POGLUT3: variants seen among roughly 807,000 people sequenced by gnomAD.
POGLUT3 encodes the protein protein O-glucosyltransferase 3.
A neutral mutation model predicts 54.3 loss-of-function variants in POGLUT3; 48 were observed. The observed-to-expected ratio is 0.88, with a 90% confidence interval of 0.70 to 1.12. The LOEUF is 1.12. POGLUT3 is among the 50% of genes most tolerant of loss of function. The pLI is 0.00. For synonymous variants in POGLUT3, 218 were observed against 237.4 expected (o/e 0.92, Z 0.75); for missense variants, 629 against 618.7 (o/e 1.02, Z -0.18).
Position 108,474,260 on chromosome 11 carries a change from A to C in POGLUT3, c.*567T>G, listed in dbSNP as rs922354875. 2 of 152,230 alleles carry C rather than the reference A, an allele frequency of 1.3e-5. No individual in the cohort carries two copies. Among genetic ancestry groups the C allele is most frequent in the Non-Finnish European group, 2.9e-5 (2 of 68,046 alleles). The allele number at this position is 152,230 out of a possible 1,614,324, so 9.4% of individuals were successfully genotyped here. On this transcript the variant is annotated 3_prime_UTR_variant, in exon 8 of 8. Transcript: ENST00000323468. Reference sequence around the variant, plus strand: ...AAGTTTTCTTTTTAGAGAAACTATGATGCTGATAATAGCAGTTTTTACGCA... The same window carrying C: ...AAGTTTTCTTTTTAGAGAAACTATGCTGCTGATAATAGCAGTTTTTACGCA...
intron 2 of POGLUT3, among the ~76,000 whole-genome samples, chr11:108,488,643 G>T (rs922683555): frequency 5.9e-5 from 9 of 152,204 alleles, no homozygotes; most frequent in African/African-American, 1.7e-4. Context: ...CATATGATCA[G>T]TGCATTTTGG....
rs775645509 is a variant in POGLUT3 at position 108,482,168 on chromosome 11, G to C, written c.739C>G (p.His247Asp). The C allele has an allele frequency of 2.5e-6, 4 of 1,614,102 alleles. No individual in the cohort carries two copies. The highest frequency in any genetic ancestry group is 3.4e-6 in the Non-Finnish European group (4 of 1,179,978). Residue 247 changes from histidine (H) to aspartate (D), a missense_variant, in exon 4 of 8, where the codon CAT (histidine) becomes GAT (aspartate). His to Asp is a moderately conservative substitution (Grantham distance 81). Transcript: ENST00000323468. ...CTAGGGGTTCCATTGACTTTTCGAT[G>C]CTCCAAGGGCCAATCTCCAAGATTA... ...YVNLGDWPLE[H>D]RKVNGTPSPI... is the part of the protein sequence containing the mutation.
rs1452684203 is a variant in POGLUT3, at chr11:108,472,668, A to G, written c.*2159T>C. 1 of 152,208 alleles carries G rather than the reference A, an allele frequency of 6.6e-6. No individual in the cohort carries two copies. The allele number at this position is 152,208 out of a possible 1,614,324, so 9.4% of individuals were successfully genotyped here. ...TGGCAGAGGCAATATAAATTTTTAAAAATGTAAGATGTTTAAAATGCCATT... is the reference window on the plus strand; with the variant it reads ...TGGCAGAGGCAATATAAATTTTTAAGAATGTAAGATGTTTAAAATGCCATT... On this transcript the variant is annotated 3_prime_UTR_variant, in exon 8 of 8. Coordinates refer to ENST00000323468, the MANE Select transcript of POGLUT3 (RefSeq NM_153705.5).
chr11:108,474,900 A>C lies in POGLUT3; in HGVS notation c.1451T>G (p.Leu484Arg). The C allele has an allele frequency of 6.2e-7, 1 of 1,614,144 alleles. No individual in the cohort carries two copies. The highest frequency in any genetic ancestry group is 8.5e-7 in the Non-Finnish European group (1 of 1,180,008). The stretch of plus-strand genomic sequence containing the variant: ...TGTGCTATCTTCTGGCTGAGGAACA[A>C]GTTCCATTCCATCACGTACTTCGGG... ...SKPEVRDGMELVPQPEDSTAI... is the reference protein window; with the variant it reads ...SKPEVRDGMERVPQPEDSTAI... Residue 484 changes from leucine to arginine, a missense_variant, in exon 8 of 8, where the codon CTT (leucine) becomes CGT (arginine). Transcript: ENST00000323468.
At chr11:108,474,987 G>C (rs1565744315) in intron 7 of POGLUT3, 35 bp from the exon 8 acceptor site, 3 of 1,609,352 alleles carry the variant, frequency 1.9e-6, no homozygotes, top group South Asian at 1.1e-5. Flanking sequence ...TGAAAGGTTA[G>C]TTCACACTGC....
intron 1 of POGLUT3, chr11:108,491,498 G>T: frequency 2.5e-6 from 1 of 398,996 alleles, no homozygotes; most frequent in Admixed American, 4.1e-5. Flanking sequence ...GAGTAGCTGG[G>T]ACTATAGGAG....
intron 1 of POGLUT3, chr11:108,491,567 T>G: frequency 4.3e-6 from 1 of 231,312 alleles, no homozygotes. Context: ...GGGGGCGGGA[T>G]GGGTTGGAGG....
At chr11:108,487,623 T>C (rs1431124218) in intron 2 of POGLUT3, among the ~76,000 whole-genome samples, 1 of 152,136 alleles carries the variant, frequency 6.6e-6, no homozygotes, top group Non-Finnish European at 1.5e-5. Flanking sequence ...GGACAGAGTC[T>C]CACACTGGCT....
At chr11:108,493,688 C>G (rs1474169574) in intron 1 of POGLUT3, among the ~76,000 whole-genome samples, 2 of 151,530 alleles carry the variant, frequency 1.3e-5, no homozygotes, top group Non-Finnish European at 2.9e-5. Context: ...CCTGTAATCC[C>G]AGCTACTCAG....
At chr11:108,496,637 C>CT (rs1480541108) in intron 1 of POGLUT3, among the ~76,000 whole-genome samples, 1 of 151,556 alleles carries the variant, frequency 6.6e-6, no homozygotes, top group African/African-American at 2.4e-5. Flanking sequence ...AACCAGTTGT[C>CT]TGAGTATTTA....
chr11:108,474,804 C>G lies in POGLUT3; in HGVS notation c.*23G>C. The G allele has an allele frequency of 1.9e-6, 3 of 1,613,454 alleles. No individual in the cohort carries two copies. The highest frequency in any genetic ancestry group is 2.5e-6 in the Non-Finnish European group (3 of 1,179,656). Reference sequence around the variant, plus strand: ...TTCCTTAAAGTGTAGCCGGGATACACAGGAGTGTGATTCTGGGCTGACTCA... The same window carrying G: ...TTCCTTAAAGTGTAGCCGGGATACAGAGGAGTGTGATTCTGGGCTGACTCA... On this transcript the variant is annotated 3_prime_UTR_variant, in exon 8 of 8. Coordinates refer to ENST00000323468, the MANE Select transcript of POGLUT3 (RefSeq NM_153705.5).
rs1489056814 is a variant in POGLUT3 at position 108,473,559 on chromosome 11, G to T, written c.*1268C>A. 1 of 152,222 alleles carries T rather than the reference G, an allele frequency of 6.6e-6. No homozygotes were observed. Among genetic ancestry groups the T allele is most frequent in the Non-Finnish European group, 1.5e-5 (1 of 68,038 alleles). 9.4% of individuals were successfully genotyped at this position (152,222 alleles called of 1,614,324 possible). A position where few individuals can be genotyped will look rare whatever the true frequency, so the allele number is the denominator to read the frequency against. On this transcript the variant is annotated 3_prime_UTR_variant, in exon 8 of 8. Coordinates refer to ENST00000323468, the MANE Select transcript of POGLUT3 (RefSeq NM_153705.5). ...CAACGACACCCACTGAAATAGAAAA[G>T]TGGTGGAGTGAGGAATGGATGCTTG...
chr11:108,479,130 T>C (rs1169078855), intron 6 of POGLUT3, among the ~76,000 whole-genome samples, 171 bp downstream of exon 6: 1 of 152,238 alleles, frequency 6.6e-6, no homozygotes, highest in Non-Finnish European at 1.5e-5. Flanking sequence ...ATAGAGGGTA[T>C]GCAAAATGAT....
At chr11:108,491,990 T>C (rs2093614192) in intron 1 of POGLUT3, among the ~76,000 whole-genome samples, 1 of 152,124 alleles carries the variant, frequency 6.6e-6, no homozygotes, top group Non-Finnish European at 1.5e-5. Context: ...TTTCCCCGTT[T>C]ATTAAGCCCA....
At chr11:108,490,230 CT>C (rs1264489271) in intron 2 of POGLUT3, among the ~76,000 whole-genome samples, 2 of 152,070 alleles carry the variant, frequency 1.3e-5, no homozygotes, top group East Asian at 3.9e-4. Flanking sequence ...TGGAATCTCG[CT>C]CTGTCACCCA....
At chr11:108,496,853 A>G (rs1307640044) in intron 1 of POGLUT3, among the ~76,000 whole-genome samples, 1 of 152,242 alleles carries the variant, frequency 6.6e-6, no homozygotes, top group Non-Finnish European at 1.5e-5. Context: ...ACCAGAGGCT[A>G]CAATCAACCA....
chr11:108,488,186 A>G (rs1001255677), intron 2 of POGLUT3, among the ~76,000 whole-genome samples: 5 of 151,562 alleles, frequency 3.3e-5, no homozygotes, highest in African/African-American at 1.2e-4. Flanking sequence ...ACCACGCCCA[A>G]CTAATTTTTT....
chr11:108,474,960 G>T lies in POGLUT3; in HGVS notation c.1399-8C>A. The T allele has an allele frequency of 6.2e-7, 1 of 1,613,630 alleles. No individual in the cohort carries two copies. Among genetic ancestry groups the T allele is most frequent in the Non-Finnish European group, 8.5e-7 (1 of 1,179,806 alleles). ...CTGGCGCTCGGCATATTTCTGAAAC[G>T]TGGGTTTAAAGGGAACTGAAAGGTT... On this transcript the variant is annotated splice_region_variant and splice_polypyrimidine_tract_variant and intron_variant, in intron 7 of 7. Transcript: ENST00000323468.
At chr11:108,483,039 G>C (rs1487519264) in intron 3 of POGLUT3, among the ~76,000 whole-genome samples, 1 of 152,178 alleles carries the variant, frequency 6.6e-6, no homozygotes. Context: ...TAGGTGTTCT[G>C]ATTCTGGGCT....
Sources: allele counts gnomAD v4.1 joint callset (sites outside exome capture counted in the v4.1 genomes callset), GRCh38; gene constraint gnomAD v4.1.1; transcripts MANE v1.5; gene names NCBI Gene and HGNC (gene_info 2026-07-23, HGNC 2026-07-21).